The following UNC13C variants were observed in gnomAD, a reference collection of about 807,000 sequenced individuals.
UNC13C encodes the protein protein unc-13 homolog C.
UNC13C carries 174 observed loss-of-function variants against 245.4 expected under a neutral mutation model. That is an observed-to-expected ratio of 0.71 (90% CI 0.63 to 0.80). UNC13C has a LOEUF of 0.80. UNC13C is among the 30% of genes least tolerant of loss of function. The probability of loss-of-function intolerance (pLI) is 0.00; values close to 1 mark genes in which losing one functional copy is unlikely to be tolerated. For synonymous variants in UNC13C, 992 were observed against 895.1 expected (o/e 1.11, Z -1.93); for missense variants, 2,829 against 2,602.9 (o/e 1.09, Z -1.89).
downstream of UNC13C, chr15:54,629,312 A>C (rs1316345750): frequency 6.6e-6 from 1 of 152,150 alleles, no homozygotes; most frequent in Non-Finnish European, 1.5e-5. Flanking sequence ...AAAGATAAGA[A>C]AAAGTATCTG....
intron 4 of UNC13C, among the ~76,000 whole-genome samples, chr15:54,145,947 C>T (rs1025576832): frequency 9.2e-5 from 14 of 152,202 alleles, no homozygotes; most frequent in Middle Eastern, 3.4e-3. Context: ...CACATTGTTA[C>T]GTTTTCTGAA....
Position 54,015,299 on chromosome 15 carries a change from C to T in UNC13C, c.2396C>T (p.Ser799Phe), listed in dbSNP as rs899959296. The change falls in exon 2 of 33, where the codon TCT (serine) becomes TTT (phenylalanine). Residue 799 changes from serine to phenylalanine, a missense_variant. By Grantham distance (155) the Ser-to-Phe change is radical (BLOSUM62 -2). Coordinates refer to ENST00000260323, the MANE Select transcript of UNC13C (RefSeq NM_001080534.3). Reference sequence around the variant, plus strand: ...ACTTTCAGCTTCCCAAAATTTGGATCTACACTGCAGAGGGCTAAATCAGCC... The same window carrying T: ...ACTTTCAGCTTCCCAAAATTTGGATTTACACTGCAGAGGGCTAAATCAGCC... ...DKTFSFPKFGSTLQRAKSALE... is the reference protein window; with the variant it reads ...DKTFSFPKFGFTLQRAKSALE... The T allele has an allele frequency of 6.2e-7, 1 of 1,613,712 alleles. No individual in the cohort carries two copies. The highest frequency in any genetic ancestry group is 1.1e-5 in the South Asian group (1 of 91,034).
intron 2 of UNC13C, chr15:54,050,696 T>A (rs149371894): frequency 2.3e-4 from 124 of 548,432 alleles, no homozygotes; most frequent in African/African-American, 1.7e-3. Flanking sequence ...CCGGTGAAGA[T>A]CTATAGGGTA....
At chr15:54,498,620 C>A (rs1413815729) in intron 20 of UNC13C, among the ~76,000 whole-genome samples, 1 of 151,874 alleles carries the variant, frequency 6.6e-6, no homozygotes, top group Non-Finnish European at 1.5e-5. Flanking sequence ...TGTATTATAG[C>A]CACAAACAAT....
intron 19 of UNC13C, among the ~76,000 whole-genome samples, chr15:54,483,174 T>A (rs2141067395): frequency 6.6e-6 from 1 of 152,322 alleles, no homozygotes; most frequent in African/African-American, 2.4e-5. Flanking sequence ...AAATAAGACA[T>A]CATCTTACCA....
At chr15:54,631,504 CA>C (rs1484900261), downstream of UNC13C, 2 of 152,208 alleles carry the variant, frequency 1.3e-5, no homozygotes, top group Non-Finnish European at 2.9e-5. Flanking sequence ...ACTTTATAGA[CA>C]AACACTTTTC....
intron 1 of UNC13C, among the ~76,000 whole-genome samples, chr15:53,994,793 A>G (rs1236301134): frequency 6.6e-6 from 1 of 152,116 alleles, no homozygotes; most frequent in African/African-American, 2.4e-5. Context: ...AATATTGCAG[A>G]ACTTATATAA....
intron 2 of UNC13C, among the ~76,000 whole-genome samples, chr15:54,037,098 T>C (rs951758129): frequency 2.0e-5 from 3 of 152,248 alleles, no homozygotes; most frequent in East Asian, 3.8e-4. Flanking sequence ...TCTGTGTGCT[T>C]TCCAGTTAAA....
intron 26 of UNC13C, among the ~76,000 whole-genome samples, chr15:54,545,042 A>G (rs1023737921): frequency 4.6e-5 from 7 of 152,196 alleles, no homozygotes; most frequent in African/African-American, 1.4e-4. Flanking sequence ...ACCTGACTTC[A>G]AACTAAACTG....
intron 20 of UNC13C, among the ~76,000 whole-genome samples, chr15:54,498,519 A>G (rs1279180696): frequency 6.6e-6 from 1 of 152,182 alleles, no homozygotes; most frequent in Non-Finnish European, 1.5e-5. Context: ...TGTAGAATGC[A>G]GCTAAAACAG....
At chr15:54,316,998 G>A (rs1567182192) in intron 13 of UNC13C, among the ~76,000 whole-genome samples, 1 of 151,856 alleles carries the variant, frequency 6.6e-6, no homozygotes, top group Non-Finnish European at 1.5e-5. Flanking sequence ...ATTAAGAAGA[G>A]TACCAGGAAT....
chr15:54,478,602 T>G (rs1484084648), intron 19 of UNC13C, among the ~76,000 whole-genome samples: 2 of 151,812 alleles, frequency 1.3e-5, no homozygotes, highest in African/African-American at 2.4e-5. Context: ...TTGTTCAGTT[T>G]CCATGTAGTT....
intron 30 of UNC13C, among the ~76,000 whole-genome samples, chr15:54,570,557 CAGTT>C (rs1897709307): frequency 1.3e-5 from 2 of 152,266 alleles, no homozygotes; most frequent in South Asian, 4.1e-4. Context: ...AAAGTCTTCT[CAGTT>C]AGTGAATCCA....
chr15:54,289,500 T>C (rs4502150), intron 10 of UNC13C, among the ~76,000 whole-genome samples: 23,018 of 152,044 alleles, frequency 0.15, 1,951 homozygotes, highest in African/African-American at 0.21. Context: ...TTCTATGTTT[T>C]TAGACTCTGT....
Position 54,523,539 on chromosome 15 carries a change from T to C in UNC13C, c.5458-2010T>C, listed in dbSNP as rs145672347. 5.1e-3 allele frequency among the ~76,000 whole-genome samples: 777 copies of C among 152,320 alleles called. 9 individuals carry two copies. The highest frequency in any genetic ancestry group is 0.018 in the African/African-American group (756 of 41,584). ...AGGTTGTCAACTAATAATTATTTGATGAGAAATATCTATTCACCAAATACC... is the reference window on the plus strand; with the variant it reads ...AGGTTGTCAACTAATAATTATTTGACGAGAAATATCTATTCACCAAATACC... On this transcript the variant is annotated intron_variant, in intron 24 of 32. Transcript: ENST00000260323.
chr15:54,618,293 C>G (rs1046393682), intron 30 of UNC13C, among the ~76,000 whole-genome samples: 1 of 152,092 alleles, frequency 6.6e-6, no homozygotes, highest in Non-Finnish European at 1.5e-5. Flanking sequence ...AAGGGCACTA[C>G]TCATTCTTGA....
chr15:54,244,264 G>C (rs2035933760), intron 7 of UNC13C, among the ~76,000 whole-genome samples: 1 of 151,914 alleles, frequency 6.6e-6, no homozygotes, highest in Non-Finnish European at 1.5e-5. Context: ...TTTTTGTCAG[G>C]TTTTGTCAGA....
chr15:53,860,522 CCAT>C, the UNC13C span, among the ~76,000 whole-genome samples: 1 of 152,034 alleles, frequency 6.6e-6, no homozygotes, highest in Non-Finnish European at 1.5e-5. Flanking sequence ...CCATTCTTGG[CCAT>C]CATCATTGGA....
At chr15:54,379,342 A>G (rs2039672181) in intron 17 of UNC13C, among the ~76,000 whole-genome samples, 1 of 152,134 alleles carries the variant, frequency 6.6e-6, no homozygotes, top group Non-Finnish European at 1.5e-5. Context: ...TCTGAAGGTG[A>G]AAGATACATC....
Sources: allele counts gnomAD v4.1 joint callset (sites outside exome capture counted in the v4.1 genomes callset), GRCh38; gene constraint gnomAD v4.1.1; transcripts MANE v1.5; gene names NCBI Gene and HGNC (gene_info 2026-07-23, HGNC 2026-07-21).